The following CDKAL1 variants were observed in gnomAD, a reference collection of about 807,000 sequenced individuals.
CDKAL1 encodes the protein CDKAL1 threonylcarbamoyladenosine tRNA methylthiotransferase, also known as threonylcarbamoyladenosine tRNA methylthiotransferase.
CDKAL1 carries 32 observed loss-of-function variants against 68.2 expected under a neutral mutation model. The observed-to-expected ratio is 0.47, with a 90% CI of 0.35 to 0.63. The LOEUF is 0.63. CDKAL1 is among the 30% of genes least tolerant of loss of function. The pLI, the probability that CDKAL1 is intolerant of heterozygous loss-of-function variation, is 0.00. For missense variants in CDKAL1, 606 were observed against 696.7 expected (o/e 0.87, Z 1.47); for synonymous variants, 234 against 244.3 (o/e 0.96, Z 0.39).
At chr6:20,904,409 A>G (rs1003195108) in intron 9 of CDKAL1, among the ~76,000 whole-genome samples, 5 of 151,678 alleles carry the variant, frequency 3.3e-5, no homozygotes, top group Non-Finnish European at 5.9e-5. Flanking sequence ...TCACCCCTTC[A>G]TTTTTTTCTA....
intron 4 of CDKAL1, among the ~76,000 whole-genome samples, chr6:20,574,677 A>G (rs1218970196): frequency 6.6e-6 from 1 of 152,078 alleles, no homozygotes; most frequent in Non-Finnish European, 1.5e-5. Flanking sequence ...GATGCTTGTC[A>G]GTTTCATTAT....
chr6:20,666,619 C>T (rs1447605818), intron 5 of CDKAL1, among the ~76,000 whole-genome samples: 2 of 151,386 alleles, frequency 1.3e-5, no homozygotes, highest in Non-Finnish European at 2.9e-5. Context: ...ATCCTGGAAT[C>T]TACTTACATA....
chr6:20,973,200 G>T (rs1044493234), intron 10 of CDKAL1, among the ~76,000 whole-genome samples: 18 of 152,124 alleles, frequency 1.2e-4, no homozygotes, highest in Non-Finnish European at 1.9e-4. Flanking sequence ...CACATAAAAG[G>T]TGCTCAAGAG....
chr6:20,603,861 C>T (rs1766217849), intron 4 of CDKAL1, among the ~76,000 whole-genome samples: 1 of 144,466 alleles, frequency 6.9e-6, no homozygotes, highest in Non-Finnish European at 1.5e-5. Flanking sequence ...ACTGCAACCT[C>T]CACCTCCCGG....
chr6:20,665,351 A>T (rs945873440), intron 5 of CDKAL1, among the ~76,000 whole-genome samples: 7 of 152,148 alleles, frequency 4.6e-5, no homozygotes, highest in Non-Finnish European at 7.4e-5. Context: ...AAAATTGTTA[A>T]TGCAATACGT....
chr6:21,072,935 A>G, intron 12 of CDKAL1, among the ~76,000 whole-genome samples: 1 of 152,156 alleles, frequency 6.6e-6, no homozygotes, highest in East Asian at 1.9e-4. Context: ...CCACCACTAT[A>G]GTATCATCAG....
chr6:20,544,255 C>T (rs1763498941), intron 2 of CDKAL1, among the ~76,000 whole-genome samples: 1 of 151,994 alleles, frequency 6.6e-6, no homozygotes, highest in Non-Finnish European at 1.5e-5. Flanking sequence ...ATTTCTATCC[C>T]TCTACCAATA....
intron 8 of CDKAL1, among the ~76,000 whole-genome samples, chr6:20,806,348 C>T (rs1013558627): frequency 3.3e-5 from 5 of 152,136 alleles, no homozygotes; most frequent in African/African-American, 1.2e-4. Flanking sequence ...TGTAGTATTC[C>T]ACATACCACA....
chr6:20,942,909 C>T (rs1764052427), intron 9 of CDKAL1, among the ~76,000 whole-genome samples: 2 of 144,572 alleles, frequency 1.4e-5, no homozygotes, highest in Non-Finnish European at 3.0e-5. Context: ...GAGTGGAGAT[C>T]ACGCCACTGC....
intron 5 of CDKAL1, among the ~76,000 whole-genome samples, chr6:20,725,405 TGA>T (rs1490835746): frequency 2.0e-5 from 3 of 152,168 alleles, no homozygotes; most frequent in Non-Finnish European, 4.4e-5. Context: ...CTGTGCAAGG[TGA>T]GTTTTGAATG....
chr6:20,548,006 A>G (rs1433276839), intron 3 of CDKAL1, among the ~76,000 whole-genome samples: 1 of 152,190 alleles, frequency 6.6e-6, no homozygotes, highest in Admixed American at 6.6e-5. Flanking sequence ...TGAACTTAGT[A>G]AGTTAGTAGT....
intron 7 of CDKAL1, among the ~76,000 whole-genome samples, chr6:20,763,745 T>C (rs1774572237): frequency 6.6e-6 from 1 of 152,230 alleles, no homozygotes; most frequent in African/African-American, 2.4e-5. Context: ...AGCATTTAAC[T>C]CTATTGTAAT....
At chr6:20,638,270 A>T (rs73732624) in intron 4 of CDKAL1, among the ~76,000 whole-genome samples, 3,935 of 152,314 alleles carry the variant, frequency 0.026, 145 homozygotes, top group African/African-American at 0.087. Context: ...TAAAAAGTGC[A>T]GTTTTAGTTT....
At chr6:20,638,794 C>T (rs1768027006) in intron 4 of CDKAL1, among the ~76,000 whole-genome samples, 1 of 151,424 alleles carries the variant, frequency 6.6e-6, no homozygotes, top group Admixed American at 6.6e-5. Flanking sequence ...CCACCATGCC[C>T]AGCTAATTTT....
intron 9 of CDKAL1, among the ~76,000 whole-genome samples, chr6:20,862,668 C>T (rs536112989): frequency 4.0e-5 from 6 of 148,692 alleles, no homozygotes; most frequent in Admixed American, 6.6e-5. Context: ...TGTGTGCGCG[C>T]GTGCATGCGC....
chr6:21,136,577 G>A (rs1012461209), intron 13 of CDKAL1, among the ~76,000 whole-genome samples: 4 of 152,170 alleles, frequency 2.6e-5, no homozygotes, highest in African/African-American at 7.2e-5. Context: ...CTAGCTTCAT[G>A]CCTGAAAAAG....
chr6:20,887,119 A>G (rs755705472), intron 9 of CDKAL1, among the ~76,000 whole-genome samples: 11 of 152,258 alleles, frequency 7.2e-5, no homozygotes, highest in Admixed American at 5.2e-4. Context: ...GTGAATTACA[A>G]TAAGATACTC....
intron 4 of CDKAL1, among the ~76,000 whole-genome samples, chr6:20,647,776 C>T (rs995346233): frequency 6.6e-6 from 1 of 152,070 alleles, no homozygotes; most frequent in Non-Finnish European, 1.5e-5. Flanking sequence ...ATATAAGGCA[C>T]TCTGGCTGCT....
intron 11 of CDKAL1, among the ~76,000 whole-genome samples, chr6:21,061,506 A>T (rs896620581): frequency 6.6e-6 from 1 of 152,112 alleles, no homozygotes; most frequent in African/African-American, 2.4e-5. Flanking sequence ...GTATTTTGAA[A>T]ATTCATGTCA....
Sources: gnomAD v4.1 joint callset for allele counts (sites outside exome capture counted in the v4.1 genomes callset) on GRCh38, gnomAD v4.1.1 for gene constraint, MANE v1.5 for transcripts, NCBI Gene and HGNC (gene_info 2026-07-23, HGNC 2026-07-21) for gene names.